The following STX8 variants were observed in gnomAD, a reference collection of about 807,000 sequenced individuals.
STX8 encodes syntaxin 8, also known as syntaxin-8.
In STX8, 23 loss-of-function variants were observed where a neutral mutation model predicts 37.5. The ratio of observed to expected loss-of-function variants is 0.61; its 90% confidence interval spans 0.44 to 0.87. The LOEUF is 0.87. Ranked by LOEUF, STX8 falls within the 40% of genes least tolerant of loss-of-function variation. The probability of loss-of-function intolerance (pLI) is 0.00; values close to 1 mark genes in which losing one functional copy is unlikely to be tolerated. For synonymous variants in STX8, 115 were observed against 99.1 expected, an observed-to-expected ratio of 1.16 and a Z score of -0.95; for missense variants, 313 against 284.7, an observed-to-expected ratio of 1.10 and a Z score of -0.71.
intron 6 of STX8, among the ~76,000 whole-genome samples, chr17:9,409,332 A>G (rs1355469163): frequency 1.3e-5 from 2 of 152,142 alleles, no homozygotes; most frequent in Non-Finnish European, 2.9e-5. Context: ...GTATACTATG[A>G]AAGTGCTAAG....
intron 5 of STX8, among the ~76,000 whole-genome samples, chr17:9,500,756 A>G (rs1233502472): frequency 6.6e-6 from 1 of 152,232 alleles, no homozygotes; most frequent in East Asian, 1.9e-4. Flanking sequence ...TAATACCAGC[A>G]CTTTGGGAGG....
At chr17:9,519,124 C>A (rs1905247236) in intron 4 of STX8, among the ~76,000 whole-genome samples, 1 of 152,142 alleles carries the variant, frequency 6.6e-6, no homozygotes, top group Non-Finnish European at 1.5e-5. Flanking sequence ...CCACCCCTTA[C>A]CTGATTGAAA....
intron 6 of STX8, among the ~76,000 whole-genome samples, chr17:9,419,291 G>T (rs1305995634): frequency 6.6e-6 from 1 of 151,458 alleles, no homozygotes; most frequent in Non-Finnish European, 1.5e-5. Context: ...CGCCCAAGGT[G>T]ATCTCAAACT....
chr17:9,416,565 C>T (rs773887964), intron 6 of STX8, among the ~76,000 whole-genome samples: 7 of 151,660 alleles, frequency 4.6e-5, no homozygotes, highest in African/African-American at 1.5e-4. Flanking sequence ...GACGGGATTT[C>T]GCCATCTTGG....
At position 9,427,960 on chromosome 17, in the gene STX8, T is replaced by C. The variant is rs73973745; in HGVS notation, c.542-49307A>G. 5.1e-3 allele frequency among the ~76,000 whole-genome samples: 769 copies of C among 152,232 alleles called. 8 individuals carry two copies. Among genetic ancestry groups the C allele is most frequent in the African/African-American group, 0.017 (724 of 41,550 alleles). On this transcript the variant is annotated intron_variant, in intron 6 of 7. Transcript: ENST00000306357. The stretch of plus-strand genomic sequence containing the variant: ...AAACTGCTTCTGGATCAATCTAACC[T>C]CCAGGATATACTGACATCATTCCTC...
chr17:9,399,435 G>C (rs1245069567), intron 6 of STX8, among the ~76,000 whole-genome samples: 3 of 152,186 alleles, frequency 2.0e-5, no homozygotes, highest in Non-Finnish European at 4.4e-5. Context: ...GCAAAGCTGG[G>C]TCTGTAGTGC....
At chr17:9,316,172 G>A (rs1326367694) in intron 7 of STX8, among the ~76,000 whole-genome samples, 1 of 152,060 alleles carries the variant, frequency 6.6e-6, no homozygotes, top group Non-Finnish European at 1.5e-5. Context: ...CATGTGGATG[G>A]GCCCTGAACT....
At chr17:9,257,166 C>A (rs944226177) in intron 7 of STX8, among the ~76,000 whole-genome samples, 1 of 152,158 alleles carries the variant, frequency 6.6e-6, no homozygotes, top group African/African-American at 2.4e-5. Context: ...AAAAAATGTC[C>A]ATTTCCTTTG....
intron 6 of STX8, among the ~76,000 whole-genome samples, chr17:9,412,653 T>C (rs1913023771): frequency 6.6e-6 from 1 of 152,156 alleles, no homozygotes; most frequent in Non-Finnish European, 1.5e-5. Flanking sequence ...GTTACTCATG[T>C]GCATTCCCCC....
chr17:9,497,681 C>T (rs1904457355), intron 5 of STX8, among the ~76,000 whole-genome samples: 1 of 152,198 alleles, frequency 6.6e-6, no homozygotes, highest in Non-Finnish European at 1.5e-5. Flanking sequence ...CTAAGAGCTG[C>T]AACTACAGTC....
At position 9,253,506 on chromosome 17, in the gene STX8, C is replaced by T. The variant is rs73973383; in HGVS notation, c.644-2861G>A. Among the ~76,000 whole-genome samples, 676 of 151,994 alleles carry T rather than the reference C, an allele frequency of 4.4e-3. 3 individuals carry two copies. Among genetic ancestry groups the T allele is most frequent in the Non-Finnish European group, 7.3e-3 (498 of 68,010 alleles). On this transcript the variant is annotated intron_variant, in intron 7 of 7. Transcript: ENST00000306357. ...CCTGGCTGGGTGAAGGTTTATGTTGCGCAACATGAGGAGAAGATAACGAGA... is the reference window on the plus strand; with the variant it reads ...CCTGGCTGGGTGAAGGTTTATGTTGTGCAACATGAGGAGAAGATAACGAGA...
chr17:9,335,953 T>A (rs148578316), intron 7 of STX8, among the ~76,000 whole-genome samples: 570 of 152,306 alleles, frequency 3.7e-3, no homozygotes, highest in Non-Finnish European at 6.0e-3. Flanking sequence ...GTTTATTGAT[T>A]TCTTGAGACA....
chr17:9,488,804 G>T (rs1906716965), intron 6 of STX8, among the ~76,000 whole-genome samples: 1 of 79,614 alleles, frequency 1.3e-5, no homozygotes, highest in Non-Finnish European at 3.1e-5. Flanking sequence ...GAGAGAAAGA[G>T]AGAGAGAGAG....
At chr17:9,538,262 A>G (rs2142555155) in intron 4 of STX8, among the ~76,000 whole-genome samples, 1 of 152,336 alleles carries the variant, frequency 6.6e-6, no homozygotes, top group South Asian at 2.1e-4. Context: ...AAAAGAGAGA[A>G]GGGGGTTTAT....
At position 9,296,176 on chromosome 17, in the gene STX8, T is replaced by C. The variant is rs545093833; in HGVS notation, c.644-45531A>G. Among the ~76,000 whole-genome samples, 6 of 145,038 alleles carry C rather than the reference T, an allele frequency of 4.1e-5. No individual in the cohort carries two copies. The South Asian group carries it at 1.1e-3, about 27-fold the overall frequency. ...CTGTACTCCAGCCTGGGAGACAGAG[T>C]GAGACTCCGTCTCAAAAAAATTAGC... On this transcript the variant is annotated intron_variant, in intron 7 of 7. Transcript: ENST00000306357.
At chr17:9,534,540 C>G (rs577968218) in intron 4 of STX8, among the ~76,000 whole-genome samples, 2 of 152,278 alleles carry the variant, frequency 1.3e-5, no homozygotes, top group Middle Eastern at 3.4e-3. Context: ...CCTATAATCC[C>G]AGCACTTTGG....
At chr17:9,351,106 A>G (rs936457405) in intron 7 of STX8, among the ~76,000 whole-genome samples, 1 of 152,004 alleles carries the variant, frequency 6.6e-6, no homozygotes, top group Non-Finnish European at 1.5e-5. Context: ...CCAATGTTAA[A>G]TGGTGAATAA....
chr17:9,344,258 CTT>C (rs200606281), intron 7 of STX8, among the ~76,000 whole-genome samples: 1,694 of 145,930 alleles, frequency 0.012, 34 homozygotes, highest in African/African-American at 0.041. Context: ...TGATACTAAA[CTT>C]TTTTTTTTTT....
At chr17:9,305,730 A>G (rs1411604662) in intron 7 of STX8, 2 of 142,568 alleles carry the variant, frequency 1.4e-5, no homozygotes, top group South Asian at 2.2e-4. Flanking sequence ...TCCCCTATAC[A>G]GGTGCATCTT....
Sources: gnomAD v4.1 joint callset for allele counts (sites outside exome capture counted in the v4.1 genomes callset) on GRCh38, gnomAD v4.1.1 for gene constraint, MANE v1.5 for transcripts, NCBI Gene and HGNC (gene_info 2026-07-23, HGNC 2026-07-21) for gene names.